Variants in DNAJC13 observed in about 807,000 individuals in gnomAD.
DNAJC13 encodes the protein dnaJ homolog subfamily C member 13.
Under a neutral mutation model 290.5 loss-of-function variants are expected in DNAJC13, and 75 were observed. The observed-to-expected ratio is 0.26, with a 90% confidence interval of 0.21 to 0.31. The LOEUF is 0.31. Among genes scored for constraint, DNAJC13 ranks in the 10% least tolerant of loss-of-function variants. DNAJC13 has a pLI of 1.00. For synonymous variants in DNAJC13, 862 were observed against 892.0 expected (o/e 0.97, Z 0.60); for missense variants, 2,260 against 2,674.5 (o/e 0.85, Z 3.42).
At position 132,516,422 on chromosome 3, in the gene DNAJC13, G is replaced by C. The variant is rs1935921248; in HGVS notation, c.5486G>C (p.Ser1829Thr). The change falls in exon 47 of 56, where the codon AGT (serine) becomes ACT (threonine). Residue 1829 changes from serine to threonine, a missense_variant and splice_region_variant. Physicochemically the swap from Ser to Thr is moderately conservative, Grantham distance 58. This residue lies in a region of DNAJC13 where 1,494 missense variants were observed against 1,693.7 expected (regional missense o/e 0.88). Coordinates refer to ENST00000260818, the MANE Select transcript of DNAJC13 (RefSeq NM_015268.4). ...CCTTGAAATGTCTTTTACTCTGCAG[G>C]TCGTCAGCTTGTTCTGGAAACTCTT... ...LLALLHSLPS[S>T]RQLVLETLYA... 6.2e-7 allele frequency: 1 copy of C among 1,613,498 alleles called. No individual in the cohort carries two copies. The highest frequency in any genetic ancestry group is 8.5e-7 in the Non-Finnish European group (1 of 1,179,720).
chr3:132,488,053 C>G (rs1431644643), intron 29 of DNAJC13, among the ~76,000 whole-genome samples: 1 of 152,184 alleles, frequency 6.6e-6, no homozygotes, highest in Non-Finnish European at 1.5e-5. Flanking sequence ...AAACTAGCTT[C>G]AGGCATGTTT....
At position 132,521,150 on chromosome 3, in the gene DNAJC13, G is replaced by A. The variant is rs149997388; in HGVS notation, c.5674-1678G>A. 4.4e-3 allele frequency among the ~76,000 whole-genome samples: 673 copies of A among 152,214 alleles called. 6 individuals are homozygous for A. Among genetic ancestry groups the A allele is most frequent in the African/African-American group, 0.014 (601 of 41,536 alleles). On this transcript the variant is annotated intron_variant, in intron 48 of 55. Coordinates refer to ENST00000260818, the MANE Select transcript of DNAJC13 (RefSeq NM_015268.4). ...ACAGTGACTCATGCCTGTAATCCCAGCTATTCAGGAGGCTGAGGCAGGAGG... is the reference window on the plus strand; with the variant it reads ...ACAGTGACTCATGCCTGTAATCCCAACTATTCAGGAGGCTGAGGCAGGAGG...
At chr3:132,426,281 A>G (rs1661257333) in intron 1 of DNAJC13, among the ~76,000 whole-genome samples, 1 of 152,192 alleles carries the variant, frequency 6.6e-6, no homozygotes, top group South Asian at 2.1e-4. Context: ...GCTGACTCGC[A>G]AAAATTGGAG....
chr3:132,463,146 A>G (rs1933860061), intron 16 of DNAJC13, among the ~76,000 whole-genome samples: 1 of 152,224 alleles, frequency 6.6e-6, no homozygotes, highest in Non-Finnish European at 1.5e-5. Flanking sequence ...CAATTGAAGA[A>G]AGTCTCCTTT....
chr3:132,464,998 T>A (rs1177321213), intron 17 of DNAJC13, among the ~76,000 whole-genome samples: 3 of 152,212 alleles, frequency 2.0e-5, no homozygotes, highest in African/African-American at 7.2e-5. Context: ...ATTGCTGTTA[T>A]AAAATGTTAT....
chr3:132,501,893 T>A (rs902949556), intron 39 of DNAJC13, among the ~76,000 whole-genome samples: 3 of 152,208 alleles, frequency 2.0e-5, no homozygotes, highest in African/African-American at 7.2e-5. Context: ...AGTATTTGAT[T>A]ACAGAATAAA....
At chr3:132,419,684 T>C (rs1444166697) in intron 1 of DNAJC13, among the ~76,000 whole-genome samples, 1 of 152,230 alleles carries the variant, frequency 6.6e-6, no homozygotes, top group Non-Finnish European at 1.5e-5. Flanking sequence ...TGAGGTACTT[T>C]AAATTAGTAA....
intron 6 of DNAJC13, among the ~76,000 whole-genome samples, chr3:132,452,243 G>A (rs546096171): frequency 6.6e-6 from 1 of 152,164 alleles, no homozygotes; most frequent in Non-Finnish European, 1.5e-5. Context: ...TATTACTTGG[G>A]GGCAGCAAGA....
chr3:132,492,063 C>T (rs964016851), intron 32 of DNAJC13, among the ~76,000 whole-genome samples: 5 of 152,028 alleles, frequency 3.3e-5, no homozygotes, highest in African/African-American at 1.2e-4. Context: ...AAATAAATAC[C>T]ATCTAGCGAG....
Position 132,456,836 on chromosome 3 carries a change from A to G in DNAJC13, c.1349+4A>G. Reference sequence around the variant, plus strand: ...TGGCTTTCACTCAGCTTCCAAAGTAAGTTGTCTTCTGAAACTTAACTTCTC... The same window carrying G: ...TGGCTTTCACTCAGCTTCCAAAGTAGGTTGTCTTCTGAAACTTAACTTCTC... On this transcript the variant is annotated splice_donor_region_variant and intron_variant, in intron 12 of 55. Transcript: ENST00000260818. 6.2e-7 allele frequency: 1 copy of G among 1,610,464 alleles called. No homozygotes were observed. Among genetic ancestry groups the G allele is most frequent in the Non-Finnish European group, 8.5e-7 (1 of 1,178,680 alleles).
rs779410612 is a variant in DNAJC13, at chr3:132,463,786, A to G, written c.1861A>G (p.Ile621Val). 1.4e-5 allele frequency: 22 copies of G among 1,613,208 alleles called. No homozygotes were observed. Among genetic ancestry groups the G allele is most frequent in the Non-Finnish European group, 1.9e-5 (22 of 1,179,388 alleles). ...PRHLHTAMFT[I>V]SSDQRMLTNR... ...ACACTTGCATACTGCGATGTTTACAATAAGCTCAGATCAAAGGATGCTTAC... is the reference window on the plus strand; with the variant it reads ...ACACTTGCATACTGCGATGTTTACAGTAAGCTCAGATCAAAGGATGCTTAC... Residue 621 changes from isoleucine to valine, a missense_variant, in exon 17 of 56, where the codon ATA (isoleucine) becomes GTA (valine). By Grantham distance (29) the Ile-to-Val change is conservative (BLOSUM62 3). Transcript: ENST00000260818.
rs770852828 is a variant in DNAJC13, at chr3:132,531,146, T to C, written c.6625+49T>C. 4 of 1,515,094 alleles carry C rather than the reference T, an allele frequency of 2.6e-6. No individual in the cohort carries two copies. In the South Asian group the frequency reaches 3.4e-5, roughly 13 times the overall value. 93.9% of individuals were successfully genotyped at this position (1,515,094 alleles called of 1,614,324 possible). A position where few individuals can be genotyped will look rare whatever the true frequency, so the allele number is the denominator to read the frequency against. On this transcript the variant is annotated intron_variant, in intron 55 of 55. Coordinates refer to ENST00000260818, the MANE Select transcript of DNAJC13 (RefSeq NM_015268.4). ...TGTAAGACACCTGGCAGAAGCCACT[T>C]GGACCTTCCTTTTGCCCTAAATAGA... is the stretch of plus-strand genomic sequence containing the variant.
intron 48 of DNAJC13, among the ~76,000 whole-genome samples, chr3:132,522,190 A>AG (rs1465788286): frequency 6.6e-6 from 1 of 152,162 alleles, no homozygotes; most frequent in Non-Finnish European, 1.5e-5. Context: ...TTTGACACGG[A>AG]GAAGAGATAA....
At chr3:132,495,264 T>A in intron 35 of DNAJC13, 98 bp downstream of exon 35, 2 of 882,924 alleles carry the variant, frequency 2.3e-6, no homozygotes, top group Non-Finnish European at 3.6e-6. Context: ...AGTATCTGCC[T>A]CATAATATAT....
chr3:132,448,342 T>C (rs781705233), intron 5 of DNAJC13, among the ~76,000 whole-genome samples: 2 of 152,178 alleles, frequency 1.3e-5, no homozygotes, highest in Non-Finnish European at 2.9e-5. Flanking sequence ...GATTTGAGCA[T>C]ACTGAAACTG....
intron 17 of DNAJC13, 102 bp downstream of exon 17, chr3:132,463,919 A>G: frequency 7.5e-7 from 1 of 1,325,116 alleles, no homozygotes; most frequent in Admixed American, 2.4e-5. Flanking sequence ...CAAATAATAC[A>G]TTTTCTTTTG....
At chr3:132,469,183 ATTTCT>A (rs1258695467) in intron 20 of DNAJC13, among the ~76,000 whole-genome samples, 7 of 152,212 alleles carry the variant, frequency 4.6e-5, no homozygotes, top group Non-Finnish European at 1.0e-4. Context: ...TTTAACAGTA[ATTTCT>A]TTAGGGAACA....
intron 5 of DNAJC13, among the ~76,000 whole-genome samples, chr3:132,448,539 C>CT (rs1214394831): frequency 6.6e-6 from 1 of 152,024 alleles, no homozygotes; most frequent in Admixed American, 6.6e-5. Context: ...GGAGTGTAAC[C>CT]TTTTTTCACT....
chr3:132,483,763 AAG>A (rs1199318810), intron 28 of DNAJC13, among the ~76,000 whole-genome samples, 186 bp downstream of exon 28: 12 of 152,386 alleles, frequency 7.9e-5, no homozygotes, highest in African/African-American at 2.9e-4. Context: ...GTTGCTAAAA[AAG>A]CAACTTTTTC....
Sources: allele counts gnomAD v4.1 joint callset (sites outside exome capture counted in the v4.1 genomes callset), GRCh38; gene constraint gnomAD v4.1.1; regional missense constraint gnomAD v4.1.1; transcripts MANE v1.5; gene names NCBI Gene and HGNC (gene_info 2026-07-23, HGNC 2026-07-21).